MED4: variants seen among roughly 807,000 people sequenced by gnomAD.
MED4 encodes the protein mediator complex subunit 4, also known as mediator of RNA polymerase II transcription subunit 4.
MED4 carries 21 observed loss-of-function variants against 35.0 expected under a neutral mutation model. That is an observed-to-expected ratio of 0.60 (90% CI 0.43 to 0.86). The LOEUF (loss-of-function observed/expected upper bound fraction) is 0.86, where lower values mean the gene tolerates loss of function less well. Among genes scored for constraint, MED4 ranks in the 40% least tolerant of loss-of-function variants. The probability of loss-of-function intolerance (pLI) is 0.00; values close to 1 mark genes in which losing one functional copy is unlikely to be tolerated. For missense variants in MED4, 300 were observed against 319.4 expected (o/e 0.94, Z 0.46); for synonymous variants, 138 against 114.0 (o/e 1.21, Z -1.34).
In MED4 at chr13:48,079,974, C is replaced by T. The variant is rs1286584759; in HGVS notation, c.510G>A (p.Gly170=). 1.2e-6 allele frequency: 2 copies of T among 1,611,728 alleles called. No homozygotes were observed. Among genetic ancestry groups the T allele is most frequent in the South Asian group, 1.1e-5 (1 of 90,688 alleles). Residue 170 remains glycine (G), a splice_region_variant and synonymous_variant, in exon 6 of 7, where the codon GGG becomes GGA. Transcript: ENST00000258648. ...CAGTTGGGTAGGGTCTCCGGGGGTC[C>T]CCTAAAACAATAAAGACTGCATTTA... ...AVCAPLTWVP[G]DPRRPYPTDL... is the part of the protein sequence containing the mutation.
At chr13:48,082,349 G>C (rs1391999539) in intron 4 of MED4, among the ~76,000 whole-genome samples, 1 of 152,100 alleles carries the variant, frequency 6.6e-6, no homozygotes, top group East Asian at 1.9e-4. Context: ...TCTGAGAAGT[G>C]AGAACCACAC....
chr13:48,093,606 T>C (rs1239509735), intron 1 of MED4: 3 of 470,098 alleles, frequency 6.4e-6, no homozygotes, highest in East Asian at 1.4e-4. Flanking sequence ...AGCAGCTTCA[T>C]TCTGTGAAGA....
At chr13:48,093,598 C>T (rs1354578860) in intron 1 of MED4, 3 of 470,104 alleles carry the variant, frequency 6.4e-6, no homozygotes, top group African/African-American at 4.0e-5. Flanking sequence ...ACCACCAGAG[C>T]AGCTTCATTC....
At chr13:48,082,152 T>C (rs181678527) in intron 4 of MED4, among the ~76,000 whole-genome samples, 4 of 152,014 alleles carry the variant, frequency 2.6e-5, no homozygotes, top group African/African-American at 9.6e-5. Context: ...TAAGTAGACC[T>C]AAATAGAAAG....
chr13:48,078,482 C>T (rs1950778463), intron 6 of MED4, among the ~76,000 whole-genome samples: 1 of 152,176 alleles, frequency 6.6e-6, no homozygotes, highest in Non-Finnish European at 1.5e-5. Context: ...GGTTTCCTAG[C>T]AGGTTTCACC....
intron 2 of MED4, among the ~76,000 whole-genome samples, chr13:48,087,605 A>C (rs761089554): frequency 6.6e-6 from 1 of 152,026 alleles, no homozygotes; most frequent in Non-Finnish European, 1.5e-5. Flanking sequence ...TAATCCCAGC[A>C]CTTTGGGAGG....
chr13:48,079,947 A>G lies in MED4; in HGVS notation c.537T>C (p.Asp179=), dbSNP rs61752713. ...CCAGTAACCCACTTCTCATCTCTAA[A>G]TCAGTTGGGTAGGGTCTCCGGGGGT... The part of the protein sequence containing the change: ...PGDPRRPYPT[D]LEMRSGLLGQ... Residue 179 remains aspartate, a synonymous_variant, in exon 6 of 7, where the codon GAT becomes GAC. Transcript: ENST00000258648. 66 of 1,613,716 alleles carry G rather than the reference A, an allele frequency of 4.1e-5. No homozygotes were observed. The South Asian group carries it at 6.9e-4, about 17-fold the overall frequency.
intron 2 of MED4, 142 bp downstream of exon 2, chr13:48,090,210 G>A (rs1342798653): frequency 1.6e-6 from 1 of 629,522 alleles, no homozygotes; most frequent in Non-Finnish European, 2.7e-6. Flanking sequence ...CAATATTAAA[G>A]TTTTAATTAA....
intron 3 of MED4, 66 bp from the exon 4 acceptor site, chr13:48,083,494 T>G: frequency 7.6e-7 from 1 of 1,322,110 alleles, no homozygotes; most frequent in Non-Finnish European, 1.1e-6. Flanking sequence ...GTTTTTGGCT[T>G]AATTCACAAG....
intron 3 of MED4, among the ~76,000 whole-genome samples, chr13:48,085,046 T>C (rs1242939897): frequency 6.6e-6 from 1 of 151,680 alleles, no homozygotes; most frequent in East Asian, 1.9e-4. Context: ...TTTTTTGTAT[T>C]TTTAGTAGAG....
chr13:48,080,056 G>A (rs556008434), intron 5 of MED4, 81 bp from the exon 6 acceptor site: 21 of 1,449,246 alleles, frequency 1.4e-5, no homozygotes, highest in South Asian at 7.3e-5. Context: ...ACTCATTTTC[G>A]CTGGTTCATG....
chr13:48,084,318 T>C (rs1348774821), intron 3 of MED4, among the ~76,000 whole-genome samples: 2 of 150,786 alleles, frequency 1.3e-5, no homozygotes, highest in Non-Finnish European at 2.9e-5. Context: ...GATCAAGGTT[T>C]AAATTCAATC....
chr13:48,090,226 TA>T, intron 2 of MED4, 125 bp downstream of exon 2: 1 of 725,186 alleles, frequency 1.4e-6, no homozygotes, highest in Non-Finnish European at 2.3e-6. Context: ...ATTAATAACT[TA>T]AAAGGATCCA....
rs1316256285 is a variant in MED4 at position 48,076,181 on chromosome 13, A to T, written c.*958T>A. ...CTAAATGTTTCACATTAAATGTTGT[A>T]TTACCTTTGAAATCAGAAGATACAT... On this transcript the variant is annotated 3_prime_UTR_variant, in exon 7 of 7. Transcript: ENST00000258648. 1.3e-5 allele frequency: 2 copies of T among 152,178 alleles called. No homozygotes were observed. The highest frequency in any genetic ancestry group is 1.5e-5 in the Non-Finnish European group (1 of 67,998). The allele number at this position is 152,178 out of a possible 1,614,324, so 9.4% of individuals were successfully genotyped here. A position where few individuals can be genotyped will look rare whatever the true frequency, so the allele number is the denominator to read the frequency against.
intron 4 of MED4, 54 bp from the exon 5 acceptor site, chr13:48,081,785 T>G (rs1950810226): frequency 3.5e-6 from 4 of 1,135,298 alleles, no homozygotes; most frequent in Non-Finnish European, 5.1e-6. Context: ...ACATACAAGT[T>G]TAGAAATGTA....
At chr13:48,081,453 A>G (rs1016478643) in intron 5 of MED4, among the ~76,000 whole-genome samples, 192 bp downstream of exon 5, 1 of 152,216 alleles carries the variant, frequency 6.6e-6, no homozygotes, top group African/African-American at 2.4e-5. Flanking sequence ...CCTAGCAACA[A>G]TGGCTTCACA....
chr13:48,092,805 C>A (rs1950899527), intron 1 of MED4, among the ~76,000 whole-genome samples: 2 of 152,128 alleles, frequency 1.3e-5, no homozygotes, highest in Non-Finnish European at 2.9e-5. Flanking sequence ...TCAGGTGGGG[C>A]AGGAGTGGTG....
intron 3 of MED4, among the ~76,000 whole-genome samples, chr13:48,084,001 C>T (rs1950830114): frequency 6.6e-6 from 1 of 152,048 alleles, no homozygotes; most frequent in Admixed American, 6.6e-5. Context: ...TGGCTCACAC[C>T]TGTAATCCCA....
Position 48,079,966 on chromosome 13 carries a change from CG to C in MED4, c.517del (p.Arg173GlyfsTer8), listed in dbSNP as rs1950792838. 6.2e-7 allele frequency: 1 copy of C among 1,613,098 alleles called. No individual in the cohort carries two copies. The highest frequency in any genetic ancestry group is 8.5e-7 in the Non-Finnish European group (1 of 1,179,458). On this transcript the variant is annotated frameshift_variant, in exon 6 of 7. Transcript: ENST00000258648. LOFTEE classifies it high-confidence loss of function. ...CTCTAAATCAGTTGGGTAGGGTCTC[CG>C]GGGGTCCCCTAAAACAATAAAGACT... is the stretch of plus-strand genomic sequence containing the variant. ...APLTWVPGDP[R>X]RPYPTDLEMR...
Sources: allele counts gnomAD v4.1 joint callset (sites outside exome capture counted in the v4.1 genomes callset), GRCh38; gene constraint gnomAD v4.1.1; transcripts MANE v1.5; gene names NCBI Gene and HGNC (gene_info 2026-07-23, HGNC 2026-07-21).